Variants in ERI3 observed in about 807,000 individuals in gnomAD.
The protein encoded by ERI3 is ERI1 exoribonuclease 3.
In ERI3, 18 loss-of-function variants were observed where a neutral mutation model predicts 44.4. The ratio of observed to expected loss-of-function variants is 0.41; its 90% confidence interval spans 0.28 to 0.60. The LOEUF (loss-of-function observed/expected upper bound fraction) is 0.60. Among genes scored for constraint, ERI3 ranks in the 20% least tolerant of loss-of-function variants. ERI3 has a pLI of 0.36. For synonymous variants in ERI3, 183 were observed against 164.8 expected (o/e 1.11, Z -0.84); for missense variants, 294 against 435.5 (o/e 0.68, Z 2.89).
chr1:44,262,461 T>A (rs1644913357), intron 7 of ERI3, among the ~76,000 whole-genome samples: 1 of 152,256 alleles, frequency 6.6e-6, no homozygotes, highest in Non-Finnish European at 1.5e-5. Context: ...CCTGGGAATC[T>A]GTCTTCTGAG....
intron 3 of ERI3, among the ~76,000 whole-genome samples, chr1:44,322,323 C>T (rs913168535): frequency 3.3e-5 from 5 of 150,892 alleles, no homozygotes; most frequent in South Asian, 2.1e-4. Context: ...GGGCCAACTA[C>T]GTGCTGAAAC....
At chr1:44,328,421 T>C (rs325141) in intron 3 of ERI3, among the ~76,000 whole-genome samples, 174 of 152,112 alleles carry the variant, frequency 1.1e-3, no homozygotes, top group African/African-American at 4.0e-3. Flanking sequence ...CCTTTCAGAA[T>C]CAGAAGCCCT....
Position 44,339,195 on chromosome 1 carries a change from C to G in ERI3, c.339G>C (p.Pro113=). The change falls in exon 3 of 9, where the codon CCG becomes CCC. Residue 113 remains proline, a synonymous_variant. Transcript: ENST00000372257. ...GSHLFSPCGV[P]EFCSISTRKL... ...TTCTGGTGGATATGGAGCAGAACTC[C>G]GGAACACCACAGGGAGAAAATAAGT... 6.2e-7 allele frequency: 1 copy of G among 1,614,012 alleles called. No individual in the cohort carries two copies. The highest frequency in any genetic ancestry group is 1.1e-5 in the South Asian group (1 of 91,074).
chr1:44,352,954 A>T (rs751599752), intron 1 of ERI3, 29 bp from the exon 2 acceptor site: 111 of 1,613,532 alleles, frequency 6.9e-5, no homozygotes, highest in Middle Eastern at 5.0e-4. Flanking sequence ...CTCTGCAACA[A>T]GTCTATTTCA....
intron 8 of ERI3, among the ~76,000 whole-genome samples, chr1:44,239,822 C>T (rs546307010): frequency 3.6e-4 from 54 of 151,048 alleles, no homozygotes; most frequent in African/African-American, 9.9e-4. Context: ...TGGAGGGAGC[C>T]GGCTGAAGGG....
Position 44,284,901 on chromosome 1 carries a change from T to C in ERI3, c.765A>G (p.Pro255=). Residue 255 remains proline (P), a synonymous_variant, in exon 7 of 9, where the codon CCA becomes CCG. Transcript: ENST00000372257. ...GCAAGCCCAAGTACTGGCACTGGCC[T>C]GGGAGCCTACAAAAAAAAGGGAAGA... ...CGDWDLKVML[P]GQCQYLGLPV... 6.2e-7 allele frequency: 1 copy of C among 1,613,864 alleles called. No homozygotes were observed. Among genetic ancestry groups the C allele is most frequent in the Non-Finnish European group, 8.5e-7 (1 of 1,179,882 alleles).
At chr1:44,314,156 G>GA (rs954805245) in intron 4 of ERI3, among the ~76,000 whole-genome samples, 1 of 151,566 alleles carries the variant, frequency 6.6e-6, no homozygotes, top group Non-Finnish European at 1.5e-5. Flanking sequence ...AGTGTGTTGG[G>GA]GGGGGGGAGA....
chr1:44,341,890 AAAAACAAAACAAAAC>A (rs371317809), intron 2 of ERI3, among the ~76,000 whole-genome samples: 5 of 152,124 alleles, frequency 3.3e-5, no homozygotes, highest in African/African-American at 1.2e-4. Flanking sequence ...ACCATAATTC[AAAAACAAAACAAAAC>A]AAAACAAAAC....
intron 7 of ERI3, among the ~76,000 whole-genome samples, chr1:44,271,995 A>G (rs1645096324): frequency 6.6e-6 from 1 of 152,068 alleles, no homozygotes; most frequent in Non-Finnish European, 1.5e-5. Flanking sequence ...TCCTGCCCAC[A>G]ATGTCCTGTA....
In ERI3 at chr1:44,339,142, G is replaced by T; in HGVS notation, c.392C>A (p.Ser131Tyr). 6.2e-7 allele frequency: 1 copy of T among 1,614,068 alleles called. No homozygotes were observed. Among genetic ancestry groups the T allele is most frequent in the Non-Finnish European group, 8.5e-7 (1 of 1,180,010 alleles). ...RKLAAHGFGA[S>Y]MAAMVSFPPQ... ...AGGGAAGGACACCATTGCCGCCATG[G>T]ATGCGCCAAAGCCGTGGGCCGCCAG... The change falls in exon 3 of 9, where the codon TCC becomes TAC. Residue 131 changes from serine to tyrosine, a missense_variant. Around this residue, in one of 2 missense-constraint regions of ERI3, gnomAD observed 187 missense variants for 338.6 expected, o/e 0.55. Transcript: ENST00000372257.
chr1:44,261,228 G>A (rs868782445), intron 7 of ERI3, among the ~76,000 whole-genome samples: 15 of 152,382 alleles, frequency 9.8e-5, no homozygotes, highest in South Asian at 2.1e-4. Flanking sequence ...AGGTAGGAGC[G>A]GGGTGGGCCG....
chr1:44,254,657 C>T lies in ERI3; in HGVS notation c.832-6619G>A, dbSNP rs150994717. On this transcript the variant is annotated intron_variant, in intron 7 of 8. Coordinates refer to ENST00000372257, the MANE Select transcript of ERI3 (RefSeq NM_024066.3). ...AGATCCAAGACCACAGCCTTAGCAA[C>T]CCTCAATGGTACTCACCAACCCTAA... 3.4e-3 allele frequency among the ~76,000 whole-genome samples: 517 copies of T among 152,216 alleles called. 3 individuals are homozygous for T. Among genetic ancestry groups the T allele is most frequent in the African/African-American group, 0.012 (490 of 41,502 alleles).
chr1:44,346,074 G>A (rs1445401442), intron 2 of ERI3, among the ~76,000 whole-genome samples: 2 of 152,166 alleles, frequency 1.3e-5, no homozygotes, highest in Non-Finnish European at 2.9e-5. Context: ...AGCTCCACAT[G>A]GTCCCAATGC....
chr1:44,285,181 T>A (rs1373640989), intron 6 of ERI3, among the ~76,000 whole-genome samples: 1 of 152,216 alleles, frequency 6.6e-6, no homozygotes. Flanking sequence ...GCTTACAGTA[T>A]GCCAAGTACC....
chr1:44,247,061 A>T (rs867156116), intron 8 of ERI3, among the ~76,000 whole-genome samples: 4 of 152,294 alleles, frequency 2.6e-5, no homozygotes, highest in South Asian at 4.1e-4. Context: ...AAAATAAGAT[A>T]TACAGAACTG....
At position 44,320,822 on chromosome 1, in the gene ERI3, A is replaced by T. The variant is rs569664109; in HGVS notation, c.490-1078T>A. ...AAGAGACAAATAGGAAATAATAAAA[A>T]AAATAAATAAAAGCAAAATTCTCTG... On this transcript the variant is annotated intron_variant, in intron 3 of 8. Coordinates refer to ENST00000372257, the MANE Select transcript of ERI3 (RefSeq NM_024066.3). Among the ~76,000 whole-genome samples, 256 of 152,288 alleles carry T rather than the reference A, an allele frequency of 1.7e-3. 1 individual carries two copies. Among genetic ancestry groups the T allele is most frequent in the African/African-American group, 5.9e-3 (244 of 41,556 alleles).
chr1:44,278,693 G>A (rs115367510), intron 7 of ERI3, among the ~76,000 whole-genome samples: 12,057 of 152,020 alleles, frequency 0.079, 613 homozygotes, highest in Non-Finnish European at 0.12. Flanking sequence ...ATTGCCTCCC[G>A]GGTTCAAGTG....
intron 8 of ERI3, among the ~76,000 whole-genome samples, chr1:44,236,605 G>A (rs1047283558): frequency 3.3e-5 from 5 of 152,102 alleles, no homozygotes; most frequent in African/African-American, 1.2e-4. Flanking sequence ...ACATGGGAAG[G>A]CAATAAGGTA....
Position 44,252,407 on chromosome 1 carries a change from C to CGGGCCTGCCGCAT in ERI3, c.832-4382_832-4370dup, listed in dbSNP as rs1468482938. On this transcript the variant is annotated intron_variant, in intron 7 of 8. Coordinates refer to ENST00000372257, the MANE Select transcript of ERI3 (RefSeq NM_024066.3). The surrounding 1 kb of genome is among the most constrained non-coding windows in gnomAD (Gnocchi z 4.7). ...TAGCTTAGTGGCCAGCCATCTGCGA[C>CGGGCCTGCCGCAT]GGGCCTGCCGCATAGCCCTGCTGTA... Among the ~76,000 whole-genome samples, 1 of 152,248 alleles carries CGGGCCTGCCGCAT rather than the reference C, an allele frequency of 6.6e-6. No homozygotes were observed. The highest frequency in any genetic ancestry group is 1.5e-5 in the Non-Finnish European group (1 of 68,050).
Sources: gnomAD v4.1 joint callset for allele counts (sites outside exome capture counted in the v4.1 genomes callset) on GRCh38, gnomAD v4.1.1 for gene constraint, gnomAD v4.1.1 regional missense constraint, Gnocchi (gnomAD v3.1) non-coding constraint, MANE v1.5 for transcripts, NCBI Gene and HGNC (gene_info 2026-07-23, HGNC 2026-07-21) for gene names.